PIWIL4: variants seen among roughly 807,000 people sequenced by gnomAD.
The protein encoded by PIWIL4 is piwi-like protein 4.
A neutral mutation model predicts 100.9 loss-of-function variants in PIWIL4; 50 were observed. That is an observed-to-expected ratio of 0.50 (90% CI 0.39 to 0.63). PIWIL4 has a LOEUF of 0.63. Ranked by LOEUF, PIWIL4 falls within the 20% of genes least tolerant of loss-of-function variation. The probability of loss-of-function intolerance (pLI) is 0.00; values close to 1 mark genes in which losing one functional copy is unlikely to be tolerated. For synonymous variants in PIWIL4, 342 were observed against 367.5 expected, an observed-to-expected ratio of 0.93 and a Z score of 0.79; for missense variants, 887 against 1,043.3, an observed-to-expected ratio of 0.85 and a Z score of 2.06.
intron 16 of PIWIL4, 90 bp downstream of exon 16, chr11:94,616,653 A>G: frequency 9.7e-7 from 1 of 1,029,536 alleles, no homozygotes; most frequent in South Asian, 1.5e-5. Flanking sequence ...CATAGGTCAG[A>G]GCAAACTCTC....
Position 94,601,893 on chromosome 11 carries a change from C to T in PIWIL4, c.1479C>T (p.Asp493=). The change falls in exon 12 of 20, where the codon GAC becomes GAT. Residue 493 remains aspartate, a synonymous_variant. Coordinates refer to ENST00000299001, the MANE Select transcript of PIWIL4 (RefSeq NM_152431.3). The part of the protein sequence containing the change: ...SLNTWLILCS[D]RTEYVAESFL... ...ATACCTGGTTGATTTTATGTAGCGA[C>T]AGAACTGAATATGTTGCCGAGAGCT... is the stretch of plus-strand genomic sequence containing the variant. 6.2e-7 allele frequency: 1 copy of T among 1,614,114 alleles called. No individual in the cohort carries two copies. The highest frequency in any genetic ancestry group is 8.5e-7 in the Non-Finnish European group (1 of 1,180,004).
intron 2 of PIWIL4, among the ~76,000 whole-genome samples, chr11:94,569,591 T>G (rs1948120209): frequency 6.6e-6 from 1 of 152,188 alleles, no homozygotes; most frequent in African/African-American, 2.4e-5. Context: ...TTGGTCAGGC[T>G]AGTCTTGAAC....
At chr11:94,586,487 T>C (rs763321379) in intron 6 of PIWIL4, among the ~76,000 whole-genome samples, 1 of 152,216 alleles carries the variant, frequency 6.6e-6, no homozygotes, top group Admixed American at 6.5e-5. Flanking sequence ...TATCTGTTTG[T>C]GGTATCACTT....
At position 94,588,985 on chromosome 11, in the gene PIWIL4, G is replaced by A. The variant is rs1948442525; in HGVS notation, c.915-136G>A. 4 of 618,486 alleles carry A rather than the reference G, an allele frequency of 6.5e-6. No individual in the cohort carries two copies. In the Admixed American group the frequency reaches 1.2e-4, roughly 19 times the overall value. 38.3% of individuals were successfully genotyped at this position (618,486 alleles called of 1,614,324 possible). A position where few individuals can be genotyped will look rare whatever the true frequency, so the allele number is the denominator to read the frequency against. Reference sequence around the variant, plus strand: ...AAGAGCTGAGTATTTTTTAAAAAGTGAATATTCTTGTTTTATTGTTTTCAT... The same window carrying A: ...AAGAGCTGAGTATTTTTTAAAAAGTAAATATTCTTGTTTTATTGTTTTCAT... On this transcript the variant is annotated intron_variant, in intron 7 of 19. Coordinates refer to ENST00000299001, the MANE Select transcript of PIWIL4 (RefSeq NM_152431.3).
In PIWIL4 at chr11:94,589,122, T is replaced by C. The variant is rs774649803; in HGVS notation, c.916T>C (p.Tyr306His). 2 of 1,600,592 alleles carry C rather than the reference T, an allele frequency of 1.2e-6. No individual in the cohort carries two copies. The highest frequency in any genetic ancestry group is 1.7e-6 in the Non-Finnish European group (2 of 1,168,920). ...TTAAAGACTTTTTATATTTGGCAGATACAATAACAGAACCTACTCCATTGA... is the reference window on the plus strand; with the variant it reads ...TTAAAGACTTTTTATATTTGGCAGACACAATAACAGAACCTACTCCATTGA... Reference protein sequence around the residue: ...QLIGLIVLTRYNNRTYSIDDI... With the variant: ...QLIGLIVLTRHNNRTYSIDDI... Residue 306 changes from tyrosine (Y) to histidine (H), a missense_variant and splice_region_variant, in exon 8 of 20, where the codon TAC (tyrosine) becomes CAC (histidine). This residue lies in a region of PIWIL4 where 741 missense variants were observed against 930.0 expected (regional missense o/e 0.80). Coordinates refer to ENST00000299001, the MANE Select transcript of PIWIL4 (RefSeq NM_152431.3).
Position 94,578,262 on chromosome 11 carries a change from A to G in PIWIL4, c.513+770A>G, listed in dbSNP as rs182343341. Among the ~76,000 whole-genome samples, 5 of 152,280 alleles carry G rather than the reference A, an allele frequency of 3.3e-5. No homozygotes were observed. In the East Asian group the frequency reaches 9.6e-4, roughly 29 times the overall value. On this transcript the variant is annotated intron_variant, in intron 4 of 19. Coordinates refer to ENST00000299001, the MANE Select transcript of PIWIL4 (RefSeq NM_152431.3). ...ATGCTTCAGGATCTTAATACCATTT[A>G]TTTAAAATTTTTATTGACGGCTCTG...
rs1424458136 is a variant in PIWIL4, at chr11:94,619,768, T to A, written c.2177T>A (p.Leu726Gln). 6.2e-7 allele frequency: 1 copy of A among 1,613,918 alleles called. No homozygotes were observed. Among genetic ancestry groups the A allele is most frequent in the African/African-American group, 1.3e-5 (1 of 75,056 alleles). Residue 726 changes from leucine (L) to glutamine (Q), a missense_variant, in exon 18 of 20, where the codon CTG (leucine) becomes CAG (glutamine). Physicochemically the swap from Leu to Gln is moderately radical, Grantham distance 113. Around this residue, in one of 2 missense-constraint regions of PIWIL4, gnomAD observed 741 missense variants for 930.0 expected, o/e 0.80. Coordinates refer to ENST00000299001, the MANE Select transcript of PIWIL4 (RefSeq NM_152431.3). ...GCCTCTCTAATTTTTAGCTCAAGAC[T>A]GTCGGTGATTGTGGTCAGGAAGAAG... Reference protein sequence around the residue: ...AESSSNTSSRLSVIVVRKKCM... With the variant: ...AESSSNTSSRQSVIVVRKKCM...
At chr11:94,612,861 C>T (rs1948802192) in intron 15 of PIWIL4, among the ~76,000 whole-genome samples, 1 of 152,036 alleles carries the variant, frequency 6.6e-6, no homozygotes, top group African/African-American at 2.4e-5. Context: ...TGATTTGCAT[C>T]TTCTTATATT....
intron 2 of PIWIL4, among the ~76,000 whole-genome samples, chr11:94,569,239 C>T (rs546934052): frequency 3.1e-4 from 47 of 152,246 alleles, no homozygotes; most frequent in African/African-American, 1.1e-3. Flanking sequence ...TCAACTTAAG[C>T]ATCCATCGAT....
In PIWIL4 at chr11:94,577,435, C is replaced by T. The variant is rs955736975; in HGVS notation, c.456C>T (p.Asn152=). ...TTTATAGTCATAGTGAACTTTCCAA[C>T]AAAGCAAAAGCATTCGACGGTGCCA... The part of the protein sequence containing the change: ...ALLYSHSELS[N]KAKAFDGAIL... The change falls in exon 4 of 20, where the codon AAC becomes AAT. Residue 152 remains asparagine (N), a synonymous_variant. Coordinates refer to ENST00000299001, the MANE Select transcript of PIWIL4 (RefSeq NM_152431.3). 6.2e-7 allele frequency: 1 copy of T among 1,613,932 alleles called. No individual in the cohort carries two copies. The highest frequency in any genetic ancestry group is 8.5e-7 in the Non-Finnish European group (1 of 1,179,964).
intron 18 of PIWIL4, 37 bp from the exon 19 acceptor site, chr11:94,619,960 G>T (rs1565286342): frequency 6.2e-7 from 1 of 1,614,056 alleles, no homozygotes; most frequent in Non-Finnish European, 8.5e-7. Flanking sequence ...TATTCTGTTT[G>T]CCTTCTTTCC....
At chr11:94,600,402 G>A (rs1034931935) in intron 11 of PIWIL4, among the ~76,000 whole-genome samples, 11 of 152,220 alleles carry the variant, frequency 7.2e-5, no homozygotes, top group Admixed American at 1.3e-4. Flanking sequence ...ATCACATGTC[G>A]GTAGGTTCCA....
chr11:94,574,639 C>T (rs1591775159), intron 2 of PIWIL4, among the ~76,000 whole-genome samples: 1 of 152,090 alleles, frequency 6.6e-6, no homozygotes, highest in African/African-American at 2.4e-5. Context: ...TGTCACCACG[C>T]CCAGCTGATT....
intron 4 of PIWIL4, 126 bp downstream of exon 4, chr11:94,577,618 G>A: frequency 1.4e-5 from 12 of 830,396 alleles, no homozygotes; most frequent in South Asian, 2.6e-5. Context: ...GAATTAAAAG[G>A]TAAGAATTTA....
chr11:94,584,005 T>G (rs1030272600), intron 5 of PIWIL4, among the ~76,000 whole-genome samples: 8 of 152,208 alleles, frequency 5.3e-5, no homozygotes, highest in Admixed American at 2.6e-4. Context: ...GGCTCCACCC[T>G]CAGCCCATTT....
intron 17 of PIWIL4, 52 bp from the exon 18 acceptor site, chr11:94,619,708 G>A (rs1309631781): frequency 1.9e-6 from 3 of 1,547,136 alleles, no homozygotes; most frequent in Non-Finnish European, 2.6e-6. Flanking sequence ...AAAATAGAAA[G>A]CTATATAGAT....
intron 2 of PIWIL4, among the ~76,000 whole-genome samples, chr11:94,570,904 C>T (rs1362058455): frequency 6.6e-6 from 1 of 152,024 alleles, no homozygotes; most frequent in African/African-American, 2.4e-5. Context: ...AAAACAAAAA[C>T]AAAAACAAAC....
Position 94,620,031 on chromosome 11 carries a change from C to G in PIWIL4, c.2329C>G (p.Arg777Gly), listed in dbSNP as rs200987345. 8 of 1,613,960 alleles carry G rather than the reference C, an allele frequency of 5.0e-6. No homozygotes were observed. Among genetic ancestry groups the G allele is most frequent in the East Asian group, 2.2e-5 (1 of 44,894 alleles). The change falls in exon 19 of 20, where the codon CGG becomes GGG. Residue 777 changes from arginine (R) to glycine (G), a missense_variant. Around this residue, in one of 2 missense-constraint regions of PIWIL4, gnomAD observed 741 missense variants for 930.0 expected, o/e 0.80. Coordinates refer to ENST00000299001, the MANE Select transcript of PIWIL4 (RefSeq NM_152431.3). ...DFYLISQVACRGTVSPTYYNV... is the reference protein window; with the variant it reads ...DFYLISQVACGGTVSPTYYNV... ...TTATCTGATCAGCCAGGTGGCCTGCCGGGGAACTGTTAGTCCTACCTACTA... is the reference window on the plus strand; with the variant it reads ...TTATCTGATCAGCCAGGTGGCCTGCGGGGGAACTGTTAGTCCTACCTACTA...
Position 94,577,500 on chromosome 11 carries a change from A to G in PIWIL4, c.513+8A>G, listed in dbSNP as rs2135243706. The G allele has an allele frequency of 1.5e-5, 24 of 1,604,266 alleles. No homozygotes were observed. The Middle Eastern group carries it at 3.0e-3, about 201-fold the overall frequency. On this transcript the variant is annotated splice_region_variant and intron_variant, in intron 4 of 19. Coordinates refer to ENST00000299001, the MANE Select transcript of PIWIL4 (RefSeq NM_152431.3). ...CAAAAGCTAGAAGAAAAGGTATAGT[A>G]TGATTAGTTTTTTTACTGTATATGT...
Sources: gnomAD v4.1 joint callset for allele counts (sites outside exome capture counted in the v4.1 genomes callset) on GRCh38, gnomAD v4.1.1 for gene constraint, gnomAD v4.1.1 regional missense constraint, MANE v1.5 for transcripts, NCBI Gene and HGNC (gene_info 2026-07-23, HGNC 2026-07-21) for gene names.